The following CDK20 variants were observed in gnomAD, a reference collection of about 807,000 sequenced individuals.
CDK20 encodes the protein cyclin-dependent kinase 20.
CDK20 carries 40 observed loss-of-function variants against 38.6 expected under a neutral mutation model. The ratio of observed to expected loss-of-function variants is 1.04; its 90% CI spans 0.81 to 1.35. The LOEUF is 1.35. Ranked by LOEUF, CDK20 falls within the 40% of genes most tolerant of loss-of-function variation. The probability of loss-of-function intolerance (pLI) is 0.00; values close to 1 mark genes in which losing one functional copy is unlikely to be tolerated. For missense variants in CDK20, 512 were observed against 452.6 expected (o/e 1.13, Z -1.19); for synonymous variants, 209 against 185.7 (o/e 1.13, Z -1.02).
intron 6 of CDK20, 116 bp from the exon 7 acceptor site, chr9:87,969,465 C>T (rs980131995): frequency 5.4e-6 from 6 of 1,120,470 alleles, no homozygotes; most frequent in South Asian, 4.4e-5. Flanking sequence ...CTCTCCCATC[C>T]ATGTGTCTCC....
At position 87,966,750 on chromosome 9, in the gene CDK20, T is replaced by G; in HGVS notation, c.*712A>C. 1 of 313,912 alleles carries G rather than the reference T, an allele frequency of 3.2e-6. No individual in the cohort carries two copies. The highest frequency in any genetic ancestry group is 1.2e-3 in the Middle Eastern group (1 of 868). 19.4% of individuals were successfully genotyped at this position (313,912 alleles called of 1,614,324 possible). A position where few individuals can be genotyped will look rare whatever the true frequency, so the allele number is the denominator to read the frequency against. On this transcript the variant is annotated 3_prime_UTR_variant, in exon 8 of 8. Transcript: ENST00000325303. ...CCAGCCTCATGTGCAGAGGGTCTCC[T>G]GCTGGATCCCCAACTGGAGCCATCC...
chr9:87,974,474 T>G lies in CDK20; in HGVS notation c.-28A>C. On this transcript the variant is annotated 5_prime_UTR_variant, in exon 1 of 8. Coordinates refer to ENST00000325303, the MANE Select transcript of CDK20 (RefSeq NM_001039803.3). ...CGCTGCAGTCGTGGGCCTGTGCCCC[T>G]GTGCCCCTGAACTTCCAAACTCCAC... The G allele has an allele frequency of 2.5e-6, 4 of 1,597,384 alleles. No individual in the cohort carries two copies. The highest frequency in any genetic ancestry group is 3.4e-6 in the Non-Finnish European group (4 of 1,171,428).
chr9:87,968,491 C>G (rs1829597027), intron 7 of CDK20: 1 of 152,508 alleles, frequency 6.6e-6, no homozygotes, highest in Admixed American at 6.5e-5. Context: ...ACCCTGACAC[C>G]TGTCAGCCCA....
chr9:87,970,566 A>G lies in CDK20; in HGVS notation c.563+2T>C, dbSNP rs760659713. ...CCCTTTGACCACCCACAGGGGTCTC[A>G]CCACAGATCGACGCCCTGGTCATAC... On this transcript the variant is annotated splice_donor_variant, in intron 5 of 7. Coordinates refer to ENST00000325303, the MANE Select transcript of CDK20 (RefSeq NM_001039803.3). LOFTEE classifies it high-confidence loss of function. 5.6e-6 allele frequency: 9 copies of G among 1,613,776 alleles called. No homozygotes were observed. The highest frequency in any genetic ancestry group is 7.6e-6 in the Non-Finnish European group (9 of 1,179,798).
rs755864917 is a variant in CDK20, at chr9:87,971,186, C to T, written c.339G>A (p.Lys113=). ...TGTTGGCATGGCAGAAGGCGACACC[C>T]TTGAGCAGCATCTGCAGGTAGCTCT... is the stretch of plus-strand genomic sequence containing the variant. ...QVKSYLQMLL[K]GVAFCHANNI... The change falls in exon 3 of 8, where the codon AAG becomes AAA. Residue 113 remains lysine (K), a synonymous_variant. Coordinates refer to ENST00000325303, the MANE Select transcript of CDK20 (RefSeq NM_001039803.3). 1.9e-6 allele frequency: 3 copies of T among 1,614,232 alleles called. No individual in the cohort carries two copies. Among genetic ancestry groups the T allele is most frequent in the Non-Finnish European group, 2.5e-6 (3 of 1,180,052 alleles).
chr9:87,969,818 G>C lies in CDK20; in HGVS notation c.665C>G (p.Thr222Ser). ...QLCYVLRILG[T>S]PNPQVWPELT... is the part of the protein sequence containing the mutation. The stretch of plus-strand genomic sequence containing the variant: ...AACCGGCCAGACTTGAGGGTTTGGG[G>C]TGCCCAAGATGCGAAGCACATAGCA... Residue 222 changes from threonine to serine, a missense_variant, in exon 6 of 8, where the codon ACC (threonine) becomes AGC (serine). Coordinates refer to ENST00000325303, the MANE Select transcript of CDK20 (RefSeq NM_001039803.3). 6.2e-7 allele frequency: 1 copy of C among 1,613,748 alleles called. No individual in the cohort carries two copies. Among genetic ancestry groups the C allele is most frequent in the East Asian group, 2.2e-5 (1 of 44,852 alleles).
chr9:87,967,915 G>C, intron 7 of CDK20: 1 of 414,954 alleles, frequency 2.4e-6, no homozygotes, highest in African/African-American at 2.0e-5. Context: ...CAGTATGTCA[G>C]ATAATGATTA....
Position 87,967,146 on chromosome 9 carries a change from T to TC in CDK20, c.*315dup, listed in dbSNP as rs758346848. On this transcript the variant is annotated 3_prime_UTR_variant, in exon 8 of 8. Coordinates refer to ENST00000325303, the MANE Select transcript of CDK20 (RefSeq NM_001039803.3). ...CGGGGAAGCAGCACCAAGGCAGGCA[T>TC]CGTCATTCTGCATATGCAGGCCTTG... is the stretch of plus-strand genomic sequence containing the variant. 3.2e-6 allele frequency: 2 copies of TC among 615,794 alleles called. No individual in the cohort carries two copies. Among genetic ancestry groups the TC allele is most frequent in the Middle Eastern group, 2.7e-4 (1 of 3,688 alleles). The allele number at this position is 615,794 out of a possible 1,614,324, so 38.1% of individuals were successfully genotyped here. A position where few individuals can be genotyped will look rare whatever the true frequency, so the allele number is the denominator to read the frequency against.
chr9:87,967,693 A>G, intron 7 of CDK20, 34 bp from the exon 8 acceptor site: 1 of 1,447,334 alleles, frequency 6.9e-7, no homozygotes, highest in African/African-American at 1.4e-5. Flanking sequence ...GCAGAAGGAA[A>G]CTAGTCACCT....
In CDK20 at chr9:87,967,093, C is replaced by T. The variant is rs1270028639; in HGVS notation, c.*369G>A. Reference sequence around the variant, plus strand: ...CAACATAAGGACACCTTACTCTCTGCACTTCTCCTTGACCAGGAGGCAGCA... The same window carrying T: ...CAACATAAGGACACCTTACTCTCTGTACTTCTCCTTGACCAGGAGGCAGCA... On this transcript the variant is annotated 3_prime_UTR_variant, in exon 8 of 8. Transcript: ENST00000325303. The T allele has an allele frequency of 1.8e-6, 1 of 552,804 alleles. No individual in the cohort carries two copies. The highest frequency in any genetic ancestry group is 1.9e-5 in the Admixed American group (1 of 52,474). 34.2% of individuals were successfully genotyped at this position (552,804 alleles called of 1,614,324 possible). A position where few individuals can be genotyped will look rare whatever the true frequency, so the allele number is the denominator to read the frequency against.
At chr9:87,970,688 C>T (rs1435265580) in intron 4 of CDK20, 58 bp from the exon 5 acceptor site, 3 of 1,612,632 alleles carry the variant, frequency 1.9e-6, no homozygotes, top group African/African-American at 2.7e-5. Context: ...GGGGAGGTGA[C>T]CCCAGCCCCA....
chr9:87,967,338 A>C lies in CDK20; in HGVS notation c.*124T>G. On this transcript the variant is annotated 3_prime_UTR_variant, in exon 8 of 8. Transcript: ENST00000325303. ...CCAACCCTCGCAAGGGCTAAGGGGC[A>C]GGGTGTGGTGTGGGCCCACTGTGGC... 2.2e-6 allele frequency: 2 copies of C among 913,436 alleles called. No individual in the cohort carries two copies. Among genetic ancestry groups the C allele is most frequent in the Non-Finnish European group, 3.5e-6 (2 of 567,092 alleles). 56.6% of individuals were successfully genotyped at this position (913,436 alleles called of 1,614,324 possible).
Position 87,970,850 on chromosome 9 carries a change from C to G in CDK20, c.426G>C (p.Lys142Asn), listed in dbSNP as rs563239873. 6.2e-6 allele frequency: 10 copies of G among 1,614,222 alleles called. No individual in the cohort carries two copies. The East Asian group carries it at 2.2e-4, about 36-fold the overall frequency. ...NLLISASGQL[K>N]IADFGLARVF... ...CTCGAGCCAGGCCAAAGTCCGCTAT[C>G]TTGAGCTGGCCTGAGGCGCTGATGA... Residue 142 changes from lysine to asparagine, a missense_variant, in exon 4 of 8, where the codon AAG becomes AAC. Physicochemically the swap from Lys to Asn is moderately conservative, Grantham distance 94. Transcript: ENST00000325303.
Position 87,969,317 on chromosome 9 carries a change from G to C in CDK20, c.720C>G (p.Ile240Met). Residue 240 changes from isoleucine (I) to methionine (M), a missense_variant, in exon 7 of 8, where the codon ATC becomes ATG. Transcript: ENST00000325303. ...GCATGGGCACCTGCTCCTTAAAGGA[G>C]ATCTTGTTGTAGTCCGGCAGCTCAG... ...ELTELPDYNK[I>M]SFKEQVPMPL... 1 of 1,614,060 alleles carries C rather than the reference G, an allele frequency of 6.2e-7. No individual in the cohort carries two copies. Among genetic ancestry groups the C allele is most frequent in the South Asian group, 1.1e-5 (1 of 91,084 alleles).
At chr9:87,970,475 C>T in intron 5 of CDK20, 93 bp downstream of exon 5, 37 of 1,210,502 alleles carry the variant, frequency 3.1e-5, no homozygotes, top group Non-Finnish European at 4.3e-5. Context: ...TAAACTCCCA[C>T]CAGGGAAAAG....
intron 5 of CDK20, chr9:87,970,307 C>T (rs189713407): frequency 4.8e-5 from 25 of 525,058 alleles, no homozygotes; most frequent in Non-Finnish European, 8.4e-5. Flanking sequence ...CACATATCGG[C>T]TCAGACCACC....
Position 87,969,242 on chromosome 9 carries a change from C to T in CDK20, c.795G>A (p.Leu265=). The T allele has an allele frequency of 6.2e-7, 1 of 1,614,072 alleles. No individual in the cohort carries two copies. The highest frequency in any genetic ancestry group is 1.3e-5 in the African/African-American group (1 of 75,026). ...GAGGAGGGTAGAGAAGGAATTGACC[C>T]AGCAGATCCAATGCCTGGGGAGAGA... ...PDVSPQALDL[L]GQFLLYPPHQ... is the part of the protein sequence containing the mutation. Residue 265 remains leucine (L), a synonymous_variant, in exon 7 of 8, where the codon CTG becomes CTA. Coordinates refer to ENST00000325303, the MANE Select transcript of CDK20 (RefSeq NM_001039803.3).
Position 87,971,178 on chromosome 9 carries a change from G to A in CDK20, c.347C>T (p.Ala116Val), listed in dbSNP as rs1829827578. 5.6e-6 allele frequency: 9 copies of A among 1,614,182 alleles called. No individual in the cohort carries two copies. Among genetic ancestry groups the A allele is most frequent in the Non-Finnish European group, 7.6e-6 (9 of 1,180,024 alleles). ...TACAATGTTGTTGGCATGGCAGAAGGCGACACCCTTGAGCAGCATCTGCAG... is the reference window on the plus strand; with the variant it reads ...TACAATGTTGTTGGCATGGCAGAAGACGACACCCTTGAGCAGCATCTGCAG... The part of the protein sequence containing the change: ...SYLQMLLKGV[A>V]FCHANNIVHR... The change falls in exon 3 of 8, where the codon GCC becomes GTC. Residue 116 changes from alanine to valine, a missense_variant. Coordinates refer to ENST00000325303, the MANE Select transcript of CDK20 (RefSeq NM_001039803.3).
chr9:87,967,723 C>T, intron 7 of CDK20, 64 bp from the exon 8 acceptor site: 1 of 1,375,366 alleles, frequency 7.3e-7, no homozygotes, highest in Non-Finnish European at 9.7e-7. Context: ...CAGCCTCAAG[C>T]AGATGTTCCT....
Sources: allele counts gnomAD v4.1 joint callset, GRCh38; gene constraint gnomAD v4.1.1; transcripts MANE v1.5; gene names NCBI Gene and HGNC (gene_info 2026-07-23, HGNC 2026-07-21).